The following EPAS1 variants were observed in gnomAD, a reference collection of about 807,000 sequenced individuals.
The protein encoded by EPAS1 is endothelial PAS domain-containing protein 1.
A neutral mutation model predicts 87.9 loss-of-function variants in EPAS1; 23 were observed. The ratio of observed to expected loss-of-function variants is 0.26; its 90% CI spans 0.19 to 0.37. The LOEUF is 0.37. Ranked by LOEUF, EPAS1 falls within the 10% of genes least tolerant of loss-of-function variation. The probability of loss-of-function intolerance (pLI) is 1.00; values close to 1 mark genes in which losing one functional copy is unlikely to be tolerated. For synonymous variants in EPAS1, 508 were observed against 444.3 expected, an observed-to-expected ratio of 1.14 and a Z score of -1.80; for missense variants, 1,138 against 1,120.7, an observed-to-expected ratio of 1.02 and a Z score of -0.22.
chr2:46,316,321 C>T (rs891795043), intron 1 of EPAS1, among the ~76,000 whole-genome samples: 10 of 151,570 alleles, frequency 6.6e-5, no homozygotes, highest in African/African-American at 2.2e-4. Flanking sequence ...TGCAATGGGG[C>T]AATCTTAGCT....
At chr2:46,322,707 C>T (rs777047158) in intron 1 of EPAS1, among the ~76,000 whole-genome samples, 1 of 152,220 alleles carries the variant, frequency 6.6e-6, no homozygotes, top group Non-Finnish European at 1.5e-5. Flanking sequence ...TTCTTGCACA[C>T]AGAGCCAGAG....
chr2:46,312,436 T>C (rs888018190), intron 1 of EPAS1, among the ~76,000 whole-genome samples: 2 of 152,240 alleles, frequency 1.3e-5, no homozygotes, highest in African/African-American at 4.8e-5. Flanking sequence ...TGAAATGAGC[T>C]AGAGTTTCAT....
chr2:46,373,390 C>G (rs1263791491), intron 7 of EPAS1, among the ~76,000 whole-genome samples: 1 of 152,130 alleles, frequency 6.6e-6, no homozygotes, highest in Non-Finnish European at 1.5e-5. Flanking sequence ...CATCCATCAA[C>G]AGGCAGATGG....
At chr2:46,379,115 A>T (rs1008379060) in intron 11 of EPAS1, among the ~76,000 whole-genome samples, 1 of 152,246 alleles carries the variant, frequency 6.6e-6, no homozygotes, top group South Asian at 2.1e-4. Context: ...GGGGACAATT[A>T]ATCCCTTTAT....
intron 1 of EPAS1, among the ~76,000 whole-genome samples, chr2:46,298,750 T>A (rs1682936887): frequency 6.6e-6 from 1 of 151,910 alleles, no homozygotes; most frequent in East Asian, 1.9e-4. Flanking sequence ...TCTGGCCATT[T>A]CTTGCTGCCC....
At chr2:46,376,464 G>T in intron 8 of EPAS1, 75 bp from the exon 9 acceptor site, 1 of 1,446,938 alleles carries the variant, frequency 6.9e-7, no homozygotes, top group Non-Finnish European at 9.7e-7. Context: ...AGCTATGAGG[G>T]TTTCCATGCA....
chr2:46,303,095 A>G (rs1683044074), intron 1 of EPAS1, among the ~76,000 whole-genome samples: 1 of 152,172 alleles, frequency 6.6e-6, no homozygotes, highest in Non-Finnish European at 1.5e-5. Context: ...AAGAAAGAAA[A>G]TATAAAGAGC....
At position 46,380,767 on chromosome 2, in the gene EPAS1, C is replaced by T. The variant is rs747108476; in HGVS notation, c.2045+50C>T. ...CCAGCAGGGCCGAACCGAGAGGCAC[C>T]CACTAGTAAGATAGCTGGACCCCCA... On this transcript the variant is annotated intron_variant, in intron 12 of 15. Coordinates refer to ENST00000263734, the MANE Select transcript of EPAS1 (RefSeq NM_001430.5). The surrounding 1 kb of genome is among the most constrained non-coding windows in gnomAD (Gnocchi z 4.4). 21 of 1,600,366 alleles carry T rather than the reference C, an allele frequency of 1.3e-5. No individual in the cohort carries two copies. The highest frequency in any genetic ancestry group is 1.8e-5 in the Non-Finnish European group (21 of 1,179,924).
chr2:46,312,660 G>A (rs1415419452), intron 1 of EPAS1, among the ~76,000 whole-genome samples: 4 of 151,750 alleles, frequency 2.6e-5, no homozygotes, highest in Non-Finnish European at 5.9e-5. Context: ...CTTGCTCTCA[G>A]GCCTTTAAAT....
At chr2:46,306,248 C>T (rs1192326210) in intron 1 of EPAS1, among the ~76,000 whole-genome samples, 1 of 152,118 alleles carries the variant, frequency 6.6e-6, no homozygotes, top group Non-Finnish European at 1.5e-5. Context: ...TTGATAAAAA[C>T]TTTGCATACT....
chr2:46,375,900 A>C lies in EPAS1; in HGVS notation c.1034+63A>C. On this transcript the variant is annotated intron_variant, in intron 8 of 15. Coordinates refer to ENST00000263734, the MANE Select transcript of EPAS1 (RefSeq NM_001430.5). This position sits in a 1 kb window ranked among gnomAD's most constrained non-coding sequence, Gnocchi z 4.1. ...ATGTGGGGGTGCCCAAGCTTCCCAGACTCAGGATGACAGGCCTAGGAGATG... is the reference window on the plus strand; with the variant it reads ...ATGTGGGGGTGCCCAAGCTTCCCAGCCTCAGGATGACAGGCCTAGGAGATG... 2.5e-6 allele frequency: 4 copies of C among 1,609,748 alleles called. No homozygotes were observed. Among genetic ancestry groups the C allele is most frequent in the Middle Eastern group, 3.7e-4 (2 of 5,468 alleles).
intron 1 of EPAS1, among the ~76,000 whole-genome samples, chr2:46,337,616 A>G (rs1162081315): frequency 4.6e-5 from 7 of 152,228 alleles, no homozygotes; most frequent in Non-Finnish European, 8.8e-5. Context: ...ACAGGATGGC[A>G]GCACAGGCAG....
intron 6 of EPAS1, among the ~76,000 whole-genome samples, chr2:46,364,663 G>A (rs1196091249): frequency 6.6e-6 from 1 of 152,166 alleles, no homozygotes; most frequent in Non-Finnish European, 1.5e-5. Context: ...ATTCATGTCG[G>A]TCACATTTAT....
At chr2:46,306,863 A>T (rs1446793223) in intron 1 of EPAS1, among the ~76,000 whole-genome samples, 1 of 152,242 alleles carries the variant, frequency 6.6e-6, no homozygotes, top group East Asian at 1.9e-4. Flanking sequence ...GGACTGTGCA[A>T]GTTAGTACAG....
chr2:46,332,037 C>T (rs1683685654), intron 1 of EPAS1, among the ~76,000 whole-genome samples: 1 of 152,214 alleles, frequency 6.6e-6, no homozygotes, highest in South Asian at 2.1e-4. Context: ...AGTGTGCAGG[C>T]CGGCCTGCCA....
intron 10 of EPAS1, 149 bp downstream of exon 10, chr2:46,378,236 A>G (rs1684801943): frequency 1.4e-6 from 2 of 1,391,530 alleles, no homozygotes; most frequent in African/African-American, 1.5e-5. Flanking sequence ...CCTACCAGGT[A>G]TCAGAGCTGT....
At chr2:46,313,664 C>T (rs1229835710) in intron 1 of EPAS1, among the ~76,000 whole-genome samples, 1 of 152,148 alleles carries the variant, frequency 6.6e-6, no homozygotes, top group African/African-American at 2.4e-5. Flanking sequence ...GTTGGCCAGG[C>T]TGGTCTCAAA....
chr2:46,381,809 CAA>C, intron 13 of EPAS1, 87 bp downstream of exon 13: 1 of 1,588,866 alleles, frequency 6.3e-7, no homozygotes, highest in South Asian at 1.1e-5. Context: ...GTGGCCCTTC[CAA>C]GCCAGCATAG....
chr2:46,349,870 G>T (rs1246115117), intron 2 of EPAS1, among the ~76,000 whole-genome samples: 1 of 152,170 alleles, frequency 6.6e-6, no homozygotes, highest in Admixed American at 6.5e-5. Flanking sequence ...CGGGATTTGT[G>T]GGCAGATAGA....
Sources: gnomAD v4.1 joint callset for allele counts (sites outside exome capture counted in the v4.1 genomes callset) on GRCh38, gnomAD v4.1.1 for gene constraint, Gnocchi (gnomAD v3.1) non-coding constraint, MANE v1.5 for transcripts, NCBI Gene and HGNC (gene_info 2026-07-23, HGNC 2026-07-21) for gene names.